Variants in LYPLAL1 observed in about 807,000 individuals in gnomAD.
The protein encoded by LYPLAL1 is lysophospholipase like 1.
In LYPLAL1, 23 loss-of-function variants were observed where a neutral mutation model predicts 19.7. The observed-to-expected ratio is 1.17, with a 90% confidence interval of 0.84 to 1.65. The LOEUF is 1.65. Among genes scored for constraint, LYPLAL1 ranks in the 40% most tolerant of loss-of-function variants. LYPLAL1 has a pLI of 0.00. For missense variants in LYPLAL1, 355 were observed against 279.4 expected (o/e 1.27, Z -1.93); for synonymous variants, 119 against 96.3 (o/e 1.24, Z -1.38).
chr1:219,183,251 CAG>C (rs1323273667), intron 2 of LYPLAL1, among the ~76,000 whole-genome samples: 1 of 152,030 alleles, frequency 6.6e-6, no homozygotes, highest in Non-Finnish European at 1.5e-5. Context: ...AATGCCCACT[CAG>C]ATTATTTGCC....
At chr1:219,408,156 A>G in the LYPLAL1 span, among the ~76,000 whole-genome samples, 6 of 152,216 alleles carry the variant, frequency 3.9e-5, no homozygotes, top group Admixed American at 6.5e-5. Context: ...ATCTCTCCCA[A>G]TAACCACTCT....
At chr1:219,227,461 G>T in the LYPLAL1 span, among the ~76,000 whole-genome samples, 1 of 152,072 alleles carries the variant, frequency 6.6e-6, no homozygotes, top group Non-Finnish European at 1.5e-5. Flanking sequence ...GGTTATTTTT[G>T]CATCTTTTTG....
At chr1:219,357,435 A>C in the LYPLAL1 span, among the ~76,000 whole-genome samples, 2 of 152,252 alleles carry the variant, frequency 1.3e-5, no homozygotes, top group African/African-American at 4.8e-5. Flanking sequence ...GACAAATAGC[A>C]TATGAACATA....
At chr1:219,271,614 C>T in the LYPLAL1 span, 1 of 152,170 alleles carries the variant, frequency 6.6e-6, no homozygotes, top group East Asian at 1.9e-4. Context: ...AAATGCTAAT[C>T]TCTTTGCTTT....
At chr1:219,205,182 C>T (rs1190144393) in intron 3 of LYPLAL1, among the ~76,000 whole-genome samples, 1 of 150,992 alleles carries the variant, frequency 6.6e-6, no homozygotes, top group East Asian at 1.9e-4. Flanking sequence ...AAGGTGAAAC[C>T]CCGTCTCTAC....
chr1:219,343,740 C>T, the LYPLAL1 span, among the ~76,000 whole-genome samples: 1 of 152,132 alleles, frequency 6.6e-6, no homozygotes, highest in Non-Finnish European at 1.5e-5. Flanking sequence ...CTGTGGCACT[C>T]ATGTCATCAT....
chr1:219,294,686 C>T, the LYPLAL1 span, among the ~76,000 whole-genome samples: 1 of 152,202 alleles, frequency 6.6e-6, no homozygotes, highest in African/African-American at 2.4e-5. Flanking sequence ...GCTAAGTACA[C>T]ATGCATTGAC....
chr1:219,218,567 ATCT>A, the LYPLAL1 span, among the ~76,000 whole-genome samples: 1 of 151,824 alleles, frequency 6.6e-6, no homozygotes, highest in Non-Finnish European at 1.5e-5. Flanking sequence ...GCCCAAGACA[ATCT>A]TCTTCCAGTG....
intron 1 of LYPLAL1, among the ~76,000 whole-genome samples, chr1:219,178,364 C>A (rs1002363560): frequency 6.6e-6 from 1 of 152,160 alleles, no homozygotes; most frequent in Non-Finnish European, 1.5e-5. Context: ...TCCTCCCTCA[C>A]CCCACCATCA....
chr1:219,434,118 C>T, the LYPLAL1 span, among the ~76,000 whole-genome samples: 1,958 of 151,944 alleles, frequency 0.013, 37 homozygotes, highest in African/African-American at 0.045. Context: ...TACATTTTAC[C>T]GTTATCTAGA....
the LYPLAL1 span, among the ~76,000 whole-genome samples, chr1:219,352,701 T>C: frequency 6.6e-6 from 1 of 152,248 alleles, no homozygotes; most frequent in African/African-American, 2.4e-5. Context: ...CCAACCCAAT[T>C]TCTGCTGAAC....
chr1:219,431,683 A>ATTTCTCC, the LYPLAL1 span, among the ~76,000 whole-genome samples: 3 of 152,192 alleles, frequency 2.0e-5, no homozygotes, highest in Non-Finnish European at 4.4e-5. Context: ...TTATTGAAGC[A>ATTTCTCC]TTTCTCCTTT....
the LYPLAL1 span, among the ~76,000 whole-genome samples, chr1:219,287,748 G>C: frequency 1.3e-5 from 2 of 152,190 alleles, no homozygotes; most frequent in Admixed American, 6.5e-5. Flanking sequence ...CCCAAATCTC[G>C]TGTCGAACTG....
the LYPLAL1 span, among the ~76,000 whole-genome samples, chr1:219,248,898 C>T: frequency 3.0e-4 from 45 of 152,150 alleles, no homozygotes; most frequent in African/African-American, 1.0e-3. Flanking sequence ...TTGGCATACA[C>T]TGATTTCTCC....
intron 1 of LYPLAL1, 52 bp downstream of exon 1, chr1:219,174,033 C>G: frequency 6.2e-7 from 1 of 1,610,542 alleles, no homozygotes; most frequent in Non-Finnish European, 8.5e-7. Flanking sequence ...AACATCCTCC[C>G]CTCGGTTACC....
chr1:219,408,638 G>A, the LYPLAL1 span, among the ~76,000 whole-genome samples: 37,428 of 151,750 alleles, frequency 0.25, 5,456 homozygotes, highest in East Asian at 0.53. Context: ...TTCGAGGTGA[G>A]GGAGATAACT....
chr1:219,333,855 C>T, the LYPLAL1 span, among the ~76,000 whole-genome samples: 1 of 151,966 alleles, frequency 6.6e-6, no homozygotes. Context: ...CAGCTAGCAC[C>T]TTGTCCAGGA....
the LYPLAL1 span, among the ~76,000 whole-genome samples, chr1:219,383,816 T>G: frequency 2.6e-5 from 4 of 152,202 alleles, no homozygotes; most frequent in Non-Finnish European, 5.9e-5. Context: ...AGTGGAATAT[T>G]CAACGTGAGC....
chr1:219,205,135 A>T (rs1658449116), intron 3 of LYPLAL1, among the ~76,000 whole-genome samples: 4 of 151,970 alleles, frequency 2.6e-5, no homozygotes, highest in Admixed American at 2.0e-4. Flanking sequence ...AGGCGGGTGG[A>T]TCATGAGGTC....
Sources: allele counts gnomAD v4.1 joint callset (sites outside exome capture counted in the v4.1 genomes callset), GRCh38; gene constraint gnomAD v4.1.1; transcripts MANE v1.5; gene names NCBI Gene and HGNC (gene_info 2026-07-23, HGNC 2026-07-21).